Variants in CDH12 observed in about 807,000 individuals in gnomAD.
CDH12 encodes the protein cadherin 12.
In CDH12, 41 loss-of-function variants were observed where a neutral mutation model predicts 74.1. That is an observed-to-expected ratio of 0.55 (90% CI 0.43 to 0.72). CDH12 has a LOEUF of 0.72. CDH12 is among the 30% of genes least tolerant of loss of function. CDH12 has a pLI of 0.00. For missense variants in CDH12, 945 were observed against 977.2 expected (o/e 0.97, Z 0.44); for synonymous variants, 399 against 355.0 (o/e 1.12, Z -1.39).
At chr5:22,079,407 G>A (rs1203518233) in intron 4 of CDH12, among the ~76,000 whole-genome samples, 1 of 152,120 alleles carries the variant, frequency 6.6e-6, no homozygotes, top group Admixed American at 6.5e-5. Context: ...GAACCACAAT[G>A]TAGAGAATAA....
At chr5:22,310,544 C>A (rs1013274630) in intron 3 of CDH12, among the ~76,000 whole-genome samples, 6 of 151,794 alleles carry the variant, frequency 4.0e-5, no homozygotes, top group African/African-American at 1.5e-4. Context: ...ACTCTTATAT[C>A]TAATTTGATT....
At chr5:21,863,064 CT>C (rs1289385186) in intron 6 of CDH12, among the ~76,000 whole-genome samples, 5 of 152,048 alleles carry the variant, frequency 3.3e-5, no homozygotes, top group African/African-American at 1.2e-4. Flanking sequence ...ACACATAAAG[CT>C]CTAAGGGGTT....
intron 4 of CDH12, among the ~76,000 whole-genome samples, chr5:22,182,290 AGTCTCCCTCTCTGAC>A (rs1749691540): frequency 6.6e-6 from 1 of 152,080 alleles, no homozygotes; most frequent in Non-Finnish European, 1.5e-5. Context: ...TGCAACTTAA[AGTCTCCCTCTCTGAC>A]TTCCCAGGTT....
At chr5:22,276,918 A>C (rs1736660716) in intron 3 of CDH12, among the ~76,000 whole-genome samples, 1 of 152,220 alleles carries the variant, frequency 6.6e-6, no homozygotes. Flanking sequence ...GGTTACAAAT[A>C]GTATGCTCAT....
chr5:22,314,285 C>G (rs1738518312), intron 3 of CDH12, among the ~76,000 whole-genome samples: 1 of 152,126 alleles, frequency 6.6e-6, no homozygotes, highest in South Asian at 2.1e-4. Context: ...ACATCAAAGT[C>G]TCAACCACCA....
chr5:22,513,028 C>A (rs527854736), intron 1 of CDH12, among the ~76,000 whole-genome samples: 1 of 152,060 alleles, frequency 6.6e-6, no homozygotes, highest in South Asian at 2.1e-4. Context: ...CAGGGCGAGA[C>A]GCTGTCTAAA....
chr5:22,213,921 G>T (rs1751691088), intron 3 of CDH12, among the ~76,000 whole-genome samples: 1 of 151,598 alleles, frequency 6.6e-6, no homozygotes, highest in South Asian at 2.1e-4. Flanking sequence ...GTGTGTGTGC[G>T]TGTGTGTGTG....
intron 1 of CDH12, among the ~76,000 whole-genome samples, chr5:22,522,624 T>C (rs1737102267): frequency 6.6e-6 from 1 of 152,182 alleles, no homozygotes; most frequent in African/African-American, 2.4e-5. Context: ...TGAATTCCTA[T>C]AACTTCCTTA....
In CDH12 at chr5:21,854,735, G is replaced by T; in HGVS notation, c.582C>A (p.Asn194Lys). Residue 194 changes from asparagine to lysine, a missense_variant, in exon 7 of 15, where the codon AAC (asparagine) becomes AAA (lysine). This residue lies in a region of CDH12 where 791 missense variants were observed against 792.8 expected (regional missense o/e 1.00). Coordinates refer to ENST00000382254, the MANE Select transcript of CDH12 (RefSeq NM_004061.5). ...GAATGCTGTAAACGACTCTGGCACT[G>T]TTTCCATAGGTCGGGTCATCTGCAT... ...ATDADDPTYG[N>K]SARVVYSILQ... 6.2e-7 allele frequency: 1 copy of T among 1,609,310 alleles called. No individual in the cohort carries two copies. Among genetic ancestry groups the T allele is most frequent in the Non-Finnish European group, 8.5e-7 (1 of 1,176,734 alleles).
intron 10 of CDH12, among the ~76,000 whole-genome samples, chr5:21,800,589 C>T (rs558774537): frequency 3.9e-5 from 6 of 152,270 alleles, no homozygotes; most frequent in African/African-American, 1.2e-4. Flanking sequence ...CTTCACCAGA[C>T]GCTGGATCTG....
intron 4 of CDH12, among the ~76,000 whole-genome samples, chr5:22,122,128 C>T (rs1054769967): frequency 6.6e-6 from 1 of 152,036 alleles, no homozygotes; most frequent in Admixed American, 6.6e-5. Context: ...TTCTGCTGGG[C>T]GCAGTGGCTT....
intron 6 of CDH12, among the ~76,000 whole-genome samples, chr5:21,969,748 G>T (rs1229796695): frequency 6.6e-6 from 1 of 152,098 alleles, no homozygotes; most frequent in African/African-American, 2.4e-5. Flanking sequence ...AATGTATTAT[G>T]CCATAATAGA....
intron 2 of CDH12, among the ~76,000 whole-genome samples, chr5:22,489,248 G>A (rs1379580448): frequency 2.0e-5 from 3 of 150,748 alleles, no homozygotes; most frequent in Admixed American, 6.6e-5. Flanking sequence ...TAGTAGAGAC[G>A]GGGTTTCACC....
chr5:21,764,651 GAAAAAA>G (rs369895363), intron 12 of CDH12, among the ~76,000 whole-genome samples: 26 of 110,068 alleles, frequency 2.4e-4, no homozygotes, highest in African/African-American at 4.6e-4. Flanking sequence ...TTCATATCAA[GAAAAAA>G]AAAAAAAAAA....
intron 1 of CDH12, among the ~76,000 whole-genome samples, chr5:22,831,214 G>C (rs913766009): frequency 1.3e-5 from 2 of 152,048 alleles, no homozygotes; most frequent in African/African-American, 4.8e-5. Context: ...TTTGGAGGAT[G>C]AGGAGAACTC....
At chr5:22,530,707 T>G (rs1221162090) in intron 1 of CDH12, among the ~76,000 whole-genome samples, 1 of 152,144 alleles carries the variant, frequency 6.6e-6, no homozygotes, top group Admixed American at 6.5e-5. Context: ...GATGTTGTAA[T>G]TCTATCATCT....
chr5:22,799,729 T>C (rs937834828), intron 1 of CDH12, among the ~76,000 whole-genome samples: 3 of 152,176 alleles, frequency 2.0e-5, no homozygotes, highest in Non-Finnish European at 4.4e-5. Context: ...GAATACTTAT[T>C]GAACACTTTG....
intron 5 of CDH12, among the ~76,000 whole-genome samples, chr5:21,987,677 T>C (rs538334141): frequency 7.2e-5 from 11 of 152,364 alleles, no homozygotes; most frequent in South Asian, 2.1e-4. Flanking sequence ...TTGGTTGCTA[T>C]GATTAAACTC....
At chr5:22,191,043 A>C (rs1750242649) in intron 4 of CDH12, among the ~76,000 whole-genome samples, 1 of 152,062 alleles carries the variant, frequency 6.6e-6, no homozygotes. Context: ...TTCCTTCTAA[A>C]TTGGCACAGT....
Sources: allele counts gnomAD v4.1 joint callset (sites outside exome capture counted in the v4.1 genomes callset), GRCh38; gene constraint gnomAD v4.1.1; regional missense constraint gnomAD v4.1.1; transcripts MANE v1.5; gene names NCBI Gene and HGNC (gene_info 2026-07-23, HGNC 2026-07-21).